The following EVI5 variants were observed in gnomAD, a reference collection of about 807,000 sequenced individuals.
The protein encoded by EVI5 is ecotropic viral integration site 5 protein homolog.
Under a neutral mutation model 112.0 loss-of-function variants are expected in EVI5, and 73 were observed. That is an observed-to-expected ratio of 0.65 (90% CI 0.54 to 0.79). The LOEUF is 0.79. Among genes scored for constraint, EVI5 ranks in the 30% least tolerant of loss-of-function variants. EVI5 has a pLI of 0.00. For missense variants in EVI5, 900 were observed against 968.8 expected, an observed-to-expected ratio of 0.93 and a Z score of 0.94; for synonymous variants, 305 against 319.9, an observed-to-expected ratio of 0.95 and a Z score of 0.50.
chr1:92,783,881 C>A (rs888576207), intron 1 of EVI5, among the ~76,000 whole-genome samples: 1 of 148,224 alleles, frequency 6.7e-6, no homozygotes, highest in Non-Finnish European at 1.5e-5. Context: ...ATTCTACTAA[C>A]AAAATTTTAA....
chr1:92,547,150 C>A (rs542827809), intron 19 of EVI5, among the ~76,000 whole-genome samples: 1 of 152,338 alleles, frequency 6.6e-6, no homozygotes, highest in Admixed American at 6.5e-5. Flanking sequence ...CAAACTGTGT[C>A]TCAGACCACA....
chr1:92,765,352 G>A (rs1682464748), intron 1 of EVI5, among the ~76,000 whole-genome samples: 1 of 150,276 alleles, frequency 6.7e-6, no homozygotes, highest in Admixed American at 6.6e-5. Context: ...ACCAAGACCG[G>A]CTGCTTTATG....
intron 9 of EVI5, among the ~76,000 whole-genome samples, chr1:92,678,804 C>A (rs1028926431): frequency 1.3e-5 from 2 of 152,152 alleles, no homozygotes; most frequent in African/African-American, 4.8e-5. Context: ...AAATAAAATT[C>A]TCCCTCAAAG....
Position 92,624,189 on chromosome 1 carries a change from T to A in EVI5, c.1814A>T (p.Glu605Val). The A allele has an allele frequency of 6.2e-7, 1 of 1,613,636 alleles. No individual in the cohort carries two copies. The highest frequency in any genetic ancestry group is 8.5e-7 in the Non-Finnish European group (1 of 1,179,714). ...EIREIKQRMM[E>V]METQNQINSN... Reference sequence around the variant, plus strand: ...TTCCCATCATACCTGTGTTTCCATTTCCATCATCCTTTGTTTTATTTCTCT... The same window carrying A: ...TTCCCATCATACCTGTGTTTCCATTACCATCATCCTTTGTTTTATTTCTCT... Residue 605 changes from glutamate to valine, a missense_variant, in exon 16 of 20, where the codon GAA (glutamate) becomes GTA (valine). Transcript: ENST00000684568.
chr1:92,775,107 T>C (rs147205257), intron 1 of EVI5, among the ~76,000 whole-genome samples: 2 of 152,304 alleles, frequency 1.3e-5, no homozygotes, highest in Admixed American at 6.5e-5. Flanking sequence ...CATAAGAACA[T>C]TTCAGTCAAT....
chr1:92,517,796 G>A (rs559548015), intron 19 of EVI5, among the ~76,000 whole-genome samples: 1 of 151,060 alleles, frequency 6.6e-6, no homozygotes, highest in African/African-American at 2.4e-5. Flanking sequence ...TTGTATTTTG[G>A]TTTTGTTTGA....
rs770376337 is a variant in EVI5, at chr1:92,704,648, G to A, written c.246C>T (p.Asn82=). ...AAGAATCTTCTTCAAGGTGACTGAG[G>A]TTGCTAGAGGCTGATGAACTCGACA... ...SLVSSSSASS[N]LSHLEEDSWI... is the part of the protein sequence containing the mutation. Residue 82 remains asparagine, a synonymous_variant, in exon 3 of 20, where the codon AAC becomes AAT. Transcript: ENST00000684568. 1.9e-6 allele frequency: 3 copies of A among 1,604,740 alleles called. No individual in the cohort carries two copies. Among genetic ancestry groups the A allele is most frequent in the Non-Finnish European group, 2.6e-6 (3 of 1,173,826 alleles).
chr1:92,595,734 T>C (rs1647621080), intron 18 of EVI5, among the ~76,000 whole-genome samples: 1 of 152,102 alleles, frequency 6.6e-6, no homozygotes, highest in South Asian at 2.1e-4. Flanking sequence ...GCTAGAAAAG[T>C]AGGCAACAAT....
intron 1 of EVI5, among the ~76,000 whole-genome samples, chr1:92,776,403 C>T (rs1684138439): frequency 6.6e-6 from 1 of 152,036 alleles, no homozygotes. Context: ...TATAGAATGT[C>T]AAAGAATAAC....
upstream of EVI5, among the ~76,000 whole-genome samples, chr1:92,787,599 G>C (rs2103146322): frequency 6.6e-6 from 1 of 152,296 alleles, no homozygotes; most frequent in Admixed American, 6.5e-5. Context: ...AATTTAGACA[G>C]GTGTGGTGGT....
chr1:92,784,432 C>G, intron 1 of EVI5: 1 of 985,348 alleles, frequency 1.0e-6, no homozygotes, highest in Non-Finnish European at 1.2e-6. Flanking sequence ...CTTTGCAAGT[C>G]AGGGGGGCGA....
chr1:92,670,439 C>A (rs1665676868), intron 10 of EVI5, among the ~76,000 whole-genome samples: 1 of 152,154 alleles, frequency 6.6e-6, no homozygotes, highest in Admixed American at 6.5e-5. Context: ...TCCTTCTTGA[C>A]AAAGTTTAAT....
chr1:92,525,172 C>G (rs879505308), intron 19 of EVI5, among the ~76,000 whole-genome samples: 1 of 151,360 alleles, frequency 6.6e-6, no homozygotes, highest in African/African-American at 2.4e-5. Context: ...ATAGGAGAGA[C>G]ACATACATCG....
intron 9 of EVI5, among the ~76,000 whole-genome samples, chr1:92,689,859 T>G (rs956782101): frequency 6.6e-6 from 1 of 152,102 alleles, no homozygotes; most frequent in Admixed American, 6.5e-5. Flanking sequence ...CTCTTTTCTC[T>G]GGAAATTGGT....
chr1:92,740,925 A>G (rs1258483886), intron 1 of EVI5, among the ~76,000 whole-genome samples: 1 of 152,136 alleles, frequency 6.6e-6, no homozygotes, highest in East Asian at 1.9e-4. Flanking sequence ...GGACTCTGAT[A>G]TGAAATTTTG....
intron 8 of EVI5, 59 bp from the exon 9 acceptor site, chr1:92,693,958 C>T (rs1669904518): frequency 3.9e-6 from 4 of 1,029,624 alleles, no homozygotes; most frequent in South Asian, 2.8e-5. Context: ...TAGTGAAATC[C>T]AAAGACATTC....
chr1:92,522,293 C>A (rs895804087), intron 19 of EVI5, among the ~76,000 whole-genome samples: 1 of 152,096 alleles, frequency 6.6e-6, no homozygotes, highest in African/African-American at 2.4e-5. Context: ...GAACTTTGAA[C>A]ACAGAACTTT....
chr1:92,587,385 G>A (rs2101174672), intron 18 of EVI5, among the ~76,000 whole-genome samples: 1 of 34,348 alleles, frequency 2.9e-5, no homozygotes, highest in Middle Eastern at 0.012. Flanking sequence ...TGTGCTTCAG[G>A]GGCAAAAAAA....
intron 19 of EVI5, among the ~76,000 whole-genome samples, chr1:92,537,945 GT>G (rs1664167299): frequency 6.6e-6 from 1 of 152,020 alleles, no homozygotes; most frequent in Admixed American, 6.6e-5. Context: ...TAATGCAATA[GT>G]TAAAGCTGAC....
Sources: allele counts gnomAD v4.1 joint callset (sites outside exome capture counted in the v4.1 genomes callset), GRCh38; gene constraint gnomAD v4.1.1; transcripts MANE v1.5; gene names NCBI Gene and HGNC (gene_info 2026-07-23, HGNC 2026-07-21).